MAF: variants seen among roughly 807,000 people sequenced by gnomAD.
The protein encoded by MAF is transcription factor Maf.
A neutral mutation model predicts 22.0 loss-of-function variants in MAF; 10 were observed. The observed-to-expected ratio is 0.45, with a 90% CI of 0.28 to 0.77. MAF has a LOEUF of 0.77. MAF is among the 30% of genes least tolerant of loss of function. The pLI is 0.12. For synonymous variants in MAF, 337 were observed against 255.8 expected (o/e 1.32, Z -3.03); for missense variants, 544 against 548.4 (o/e 0.99, Z 0.08).
chr16:79,554,172 C>T, the MAF span, among the ~76,000 whole-genome samples: 1 of 152,116 alleles, frequency 6.6e-6, no homozygotes. Context: ...AAGTGCTGTT[C>T]ACTTACTATG....
chr16:79,569,492 T>G, the MAF span, among the ~76,000 whole-genome samples: 1 of 152,222 alleles, frequency 6.6e-6, no homozygotes, highest in African/African-American at 2.4e-5. Context: ...TCTCAAGTGC[T>G]CAAATGTGGT....
At chr16:79,342,442 A>G in the MAF span, among the ~76,000 whole-genome samples, 2 of 152,136 alleles carry the variant, frequency 1.3e-5, no homozygotes, top group Non-Finnish European at 2.9e-5. Context: ...ACTTCTCCAA[A>G]ACTTTCTGAG....
At chr16:79,475,360 A>G in the MAF span, among the ~76,000 whole-genome samples, 1 of 89,804 alleles carries the variant, frequency 1.1e-5, no homozygotes, top group Non-Finnish European at 2.9e-5. Flanking sequence ...GTATGTATAT[A>G]TATGTGTGTG....
chr16:79,508,135 G>A, the MAF span, among the ~76,000 whole-genome samples: 4 of 152,236 alleles, frequency 2.6e-5, no homozygotes, highest in South Asian at 2.1e-4. Flanking sequence ...TGGAAGGAGC[G>A]GGGAGTCATT....
At chr16:79,511,476 T>C in the MAF span, among the ~76,000 whole-genome samples, 1 of 152,138 alleles carries the variant, frequency 6.6e-6, no homozygotes, top group Non-Finnish European at 1.5e-5. Context: ...AGTTTTATCA[T>C]CTTAACTGAC....
the MAF span, chr16:79,212,452 A>C: frequency 3.9e-6 from 1 of 255,202 alleles, no homozygotes; most frequent in South Asian, 9.0e-5. Flanking sequence ...AGATTATAAC[A>C]AATTTTTCAA....
the MAF span, among the ~76,000 whole-genome samples, chr16:79,208,148 A>T: frequency 6.6e-6 from 1 of 152,182 alleles, no homozygotes; most frequent in East Asian, 1.9e-4. Flanking sequence ...AATTTTACAT[A>T]TACTCTCAAG....
At chr16:79,342,928 C>T in the MAF span, among the ~76,000 whole-genome samples, 2 of 152,090 alleles carry the variant, frequency 1.3e-5, no homozygotes, top group East Asian at 1.9e-4. Context: ...GCTCTCCTTA[C>T]CATTAATTGC....
the MAF span, among the ~76,000 whole-genome samples, chr16:79,372,395 T>C: frequency 6.6e-6 from 1 of 152,218 alleles, no homozygotes; most frequent in Non-Finnish European, 1.5e-5. Flanking sequence ...ATAAATGTAA[T>C]GTCTACCCTG....
the MAF span, among the ~76,000 whole-genome samples, chr16:79,413,739 A>C: frequency 6.6e-6 from 1 of 152,208 alleles, no homozygotes; most frequent in Non-Finnish European, 1.5e-5. Flanking sequence ...GAGTAATATT[A>C]GTTATTTTCC....
chr16:79,514,808 G>A, the MAF span, among the ~76,000 whole-genome samples: 8 of 152,144 alleles, frequency 5.3e-5, no homozygotes, highest in East Asian at 1.9e-4. Flanking sequence ...CACTGATAGC[G>A]GCTTGGAAGC....
the MAF span, among the ~76,000 whole-genome samples, chr16:79,444,520 T>C: frequency 1.3e-5 from 2 of 152,170 alleles, no homozygotes. Context: ...GGAGGAATAA[T>C]TGAATGCATC....
At chr16:79,329,010 C>A in the MAF span, among the ~76,000 whole-genome samples, 1 of 152,036 alleles carries the variant, frequency 6.6e-6, no homozygotes, top group Non-Finnish European at 1.5e-5. Context: ...CATGAAGGAG[C>A]TGTTTTGCAA....
At chr16:79,459,350 T>A in the MAF span, among the ~76,000 whole-genome samples, 1 of 152,196 alleles carries the variant, frequency 6.6e-6, no homozygotes, top group Non-Finnish European at 1.5e-5. Context: ...CTGGGGTGAC[T>A]GCAGCGATCA....
chr16:79,216,789 A>G, the MAF span, among the ~76,000 whole-genome samples: 1 of 151,952 alleles, frequency 6.6e-6, no homozygotes, highest in African/African-American at 2.4e-5. Context: ...TTTATGTAAT[A>G]ATGATCCTAC....
the MAF span, among the ~76,000 whole-genome samples, chr16:79,526,913 G>A: frequency 6.6e-6 from 1 of 152,130 alleles, no homozygotes; most frequent in Non-Finnish European, 1.5e-5. Flanking sequence ...AAAATAGAAA[G>A]GGGGAATTTT....
At chr16:79,353,148 G>T in the MAF span, among the ~76,000 whole-genome samples, 1 of 150,590 alleles carries the variant, frequency 6.6e-6, no homozygotes, top group East Asian at 1.9e-4. Context: ...TCAAGACAGG[G>T]TCTCACTCTA....
the MAF span, among the ~76,000 whole-genome samples, chr16:79,227,731 T>C: frequency 6.6e-5 from 10 of 152,096 alleles, no homozygotes; most frequent in African/African-American, 2.4e-4. Context: ...ATAAAGTTTT[T>C]AAACATTGGA....
At chr16:79,466,568 G>A in the MAF span, among the ~76,000 whole-genome samples, 2 of 152,182 alleles carry the variant, frequency 1.3e-5, no homozygotes, top group African/African-American at 4.8e-5. Flanking sequence ...TCCTCAGGTT[G>A]GCACCTTCAG....
Sources: allele counts gnomAD v4.1 joint callset (sites outside exome capture counted in the v4.1 genomes callset), GRCh38; gene constraint gnomAD v4.1.1; transcripts MANE v1.5; gene names NCBI Gene and HGNC (gene_info 2026-07-23, HGNC 2026-07-21).